The following TBK1 variants were observed in gnomAD, a reference collection of about 807,000 sequenced individuals.
TBK1 encodes the protein serine/threonine-protein kinase TBK1.
Under a neutral mutation model 99.9 loss-of-function variants are expected in TBK1, and 37 were observed. The observed-to-expected ratio is 0.37, with a 90% confidence interval of 0.28 to 0.49. The LOEUF is 0.49. Among genes scored for constraint, TBK1 ranks in the 20% least tolerant of loss-of-function variants. The probability of loss-of-function intolerance (pLI) is 0.98; values close to 1 mark genes in which losing one functional copy is unlikely to be tolerated. For synonymous variants in TBK1, 258 were observed against 279.8 expected (o/e 0.92, Z 0.78); for missense variants, 644 against 872.5 (o/e 0.74, Z 3.30).
chr12:64,462,495 G>A (rs986488701), intron 3 of TBK1, among the ~76,000 whole-genome samples: 3 of 151,852 alleles, frequency 2.0e-5, no homozygotes, highest in African/African-American at 7.3e-5. Context: ...AAGAAAATAC[G>A]CCAAAATATT....
chr12:64,500,149 C>T (rs767316882), intron 20 of TBK1, among the ~76,000 whole-genome samples: 7 of 152,054 alleles, frequency 4.6e-5, no homozygotes, highest in African/African-American at 1.2e-4. Context: ...ATAATCTTAA[C>T]GTAAATGTTA....
At chr12:64,468,485 C>T (rs1328647650) in intron 5 of TBK1, among the ~76,000 whole-genome samples, 3 of 149,428 alleles carry the variant, frequency 2.0e-5, no homozygotes, top group African/African-American at 2.5e-5. Flanking sequence ...AGCGAGACTC[C>T]GTCTCAGAAA....
At chr12:64,472,374 C>T (rs1174377831) in intron 5 of TBK1, among the ~76,000 whole-genome samples, 2 of 151,874 alleles carry the variant, frequency 1.3e-5, no homozygotes, top group East Asian at 3.9e-4. Context: ...TCCCAGTTCC[C>T]TGGGCCATAG....
rs2040854843 is a variant in TBK1, at chr12:64,490,073, C to T, written c.1475C>T (p.Ala492Val). The T allele has an allele frequency of 5.0e-6, 8 of 1,610,304 alleles. No homozygotes were observed. The highest frequency in any genetic ancestry group is 4.0e-5 in the African/African-American group (3 of 74,824). The change falls in exon 13 of 21, where the codon GCG becomes GTG. Residue 492 changes from alanine (A) to valine (V), a missense_variant. Around this residue, in one of 3 missense-constraint regions of TBK1, gnomAD observed 465 missense variants for 588.0 expected, o/e 0.79. Coordinates refer to ENST00000331710, the MANE Select transcript of TBK1 (RefSeq NM_013254.4). The part of the protein sequence containing the change: ...YEKLMKINLE[A>V]AELGEISDIH... Reference sequence around the variant, plus strand: ...AAGTTGATGAAGATCAACCTGGAAGCGGCAGAGTTAGGTGAAATTTCAGAC... The same window carrying T: ...AAGTTGATGAAGATCAACCTGGAAGTGGCAGAGTTAGGTGAAATTTCAGAC...
intron 3 of TBK1, among the ~76,000 whole-genome samples, chr12:64,463,167 C>G (rs1186451183): frequency 1.3e-5 from 2 of 151,266 alleles, no homozygotes; most frequent in African/African-American, 4.9e-5. Flanking sequence ...GTCAGGAGAT[C>G]GAGACCATCC....
chr12:64,474,497 CATTT>C lies in TBK1; in HGVS notation c.701+108_701+111del, dbSNP rs1477760512. ...TGCTAATAAAAATTGATTTAACAAT[CATTT>C]CTGATATTTTAAGCTACCTGGTTTT... is the stretch of plus-strand genomic sequence containing the variant. On this transcript the variant is annotated intron_variant, in intron 6 of 20. Transcript: ENST00000331710. 52 of 1,101,744 alleles carry C rather than the reference CATTT, an allele frequency of 4.7e-5. 1 individual carries two copies. The Admixed American group carries it at 1.3e-3, about 28-fold the overall frequency. 68.2% of individuals were successfully genotyped at this position (1,101,744 alleles called of 1,614,324 possible).
rs918526534 is a variant in TBK1 at position 64,501,736 on chromosome 12, T to C, written c.*355T>C. 5 of 189,686 alleles carry C rather than the reference T, an allele frequency of 2.6e-5. No homozygotes were observed. The highest frequency in any genetic ancestry group is 1.2e-4 in the African/African-American group (5 of 42,056). The allele number at this position is 189,686 out of a possible 1,614,324, so 11.8% of individuals were successfully genotyped here. A position where few individuals can be genotyped will look rare whatever the true frequency, so the allele number is the denominator to read the frequency against. ...GAAATATTTTTAAGTGGAACCAAAA[T>C]AGGCATCCTTACAAATCAGGAAGAC... On this transcript the variant is annotated 3_prime_UTR_variant, in exon 21 of 21. Transcript: ENST00000331710.
chr12:64,460,832 CAAAAA>C (rs1221718352), intron 3 of TBK1, among the ~76,000 whole-genome samples: 2 of 45,448 alleles, frequency 4.4e-5, no homozygotes. Context: ...GACTCCATCT[CAAAAA>C]AAAAAAAAAA....
chr12:64,485,892 A>G, intron 10 of TBK1, 34 bp from the exon 11 acceptor site: 1 of 1,483,762 alleles, frequency 6.7e-7, no homozygotes, highest in South Asian at 1.3e-5. Flanking sequence ...TACCACAATT[A>G]GCACCAAATA....
chr12:64,480,611 GTC>G (rs1183280195), intron 7 of TBK1, among the ~76,000 whole-genome samples: 1 of 152,096 alleles, frequency 6.6e-6, no homozygotes, highest in Non-Finnish European at 1.5e-5. Context: ...GTTCATTTGG[GTC>G]TTGTTTAATG....
chr12:64,496,654 T>C (rs2136087924), intron 16 of TBK1, among the ~76,000 whole-genome samples: 1 of 152,308 alleles, frequency 6.6e-6, no homozygotes, highest in African/African-American at 2.4e-5. Flanking sequence ...TTCTGCCTCA[T>C]ATGCTCTGAT....
Position 64,501,443 on chromosome 12 carries a change from A to G in TBK1, c.*62A>G. 6.6e-7 allele frequency: 1 copy of G among 1,506,018 alleles called. No homozygotes were observed. The highest frequency in any genetic ancestry group is 2.3e-5 in the East Asian group (1 of 44,304). The allele number at this position is 1,506,018 out of a possible 1,614,324, so 93.3% of individuals were successfully genotyped here. On this transcript the variant is annotated 3_prime_UTR_variant, in exon 21 of 21. Transcript: ENST00000331710. ...ACAAGAAAATAACGCTTGGGCATTA[A>G]ATGAATGCCTTTATAGATAGTCACT...
chr12:64,485,070 G>A (rs1400121333), intron 9 of TBK1, among the ~76,000 whole-genome samples: 1 of 151,972 alleles, frequency 6.6e-6, no homozygotes, highest in Non-Finnish European at 1.5e-5. Context: ...ATAGAACATT[G>A]TGCCAAGCTT....
chr12:64,492,563 C>A (rs574283043), intron 13 of TBK1, among the ~76,000 whole-genome samples: 9 of 152,162 alleles, frequency 5.9e-5, no homozygotes, highest in Admixed American at 5.9e-4. Flanking sequence ...GCCTTGGCCT[C>A]CCAAAGTGCT....
chr12:64,485,653 A>C (rs893453917), intron 10 of TBK1, 140 bp downstream of exon 10: 62 of 488,396 alleles, frequency 1.3e-4, no homozygotes, highest in Non-Finnish European at 2.1e-4. Flanking sequence ...ACCCTTTCCA[A>C]GTGATTTTGT....
At chr12:64,454,842 A>G (rs896169583) in intron 1 of TBK1, among the ~76,000 whole-genome samples, 3 of 150,878 alleles carry the variant, frequency 2.0e-5, no homozygotes, top group Admixed American at 6.6e-5. Context: ...ATGCCCGGCT[A>G]ATTTTTTTGT....
At chr12:64,453,541 T>C (rs987190837) in intron 1 of TBK1, among the ~76,000 whole-genome samples, 2 of 152,220 alleles carry the variant, frequency 1.3e-5, no homozygotes, top group Non-Finnish European at 2.9e-5. Context: ...TATATAAAAA[T>C]ATCCTACTAT....
At position 64,454,986 on chromosome 12, in the gene TBK1, T is replaced by G. The variant is rs532326775; in HGVS notation, c.-31-854T>G. On this transcript the variant is annotated intron_variant, in intron 1 of 20. Coordinates refer to ENST00000331710, the MANE Select transcript of TBK1 (RefSeq NM_013254.4). ...GCCACCGCGCCCGGCCAATTTTTTT[T>G]TTTTCTTTTTTTTTTTTTTGCGATG... 5.7e-5 allele frequency among the ~76,000 whole-genome samples: 5 copies of G among 87,800 alleles called. No individual in the cohort carries two copies. The East Asian group carries it at 1.9e-3, about 34-fold the overall frequency. The allele number at this position is 87,800 out of a possible 152,430, so 57.6% of individuals were successfully genotyped here.
intron 2 of TBK1, among the ~76,000 whole-genome samples, chr12:64,456,874 A>G (rs1009518909): frequency 1.3e-5 from 2 of 151,852 alleles, no homozygotes; most frequent in Admixed American, 1.3e-4. Context: ...TTTAGATTCA[A>G]TGTGGAGGAT....
Sources: gnomAD v4.1 joint callset for allele counts (sites outside exome capture counted in the v4.1 genomes callset) on GRCh38, gnomAD v4.1.1 for gene constraint, gnomAD v4.1.1 regional missense constraint, MANE v1.5 for transcripts, NCBI Gene and HGNC (gene_info 2026-07-23, HGNC 2026-07-21) for gene names.